The following DHX30 variants were observed in gnomAD, a reference collection of about 807,000 sequenced individuals.
DHX30 encodes the protein ATP-dependent RNA helicase DHX30.
A neutral mutation model predicts 116.9 loss-of-function variants in DHX30; 4 were observed. The ratio of observed to expected loss-of-function variants is 0.03; its 90% CI spans 0.02 to 0.08. DHX30 has a LOEUF of 0.08. Ranked by LOEUF, DHX30 falls within the 10% of genes least tolerant of loss-of-function variation. DHX30 has a pLI of 1.00. For missense variants in DHX30, 871 were observed against 1,595.1 expected, an observed-to-expected ratio of 0.55 and a Z score of 7.73; for synonymous variants, 697 against 651.7, an observed-to-expected ratio of 1.07 and a Z score of -1.06.
intron 4 of DHX30, chr3:47,822,077 A>G (rs767130392): frequency 5.3e-5 from 8 of 152,254 alleles, no homozygotes; most frequent in Non-Finnish European, 7.3e-5. Flanking sequence ...CTCTGTTCCA[A>G]TAAAACTTTC....
intron 6 of DHX30, chr3:47,831,259 A>C (rs1306888136): frequency 3.9e-5 from 6 of 152,134 alleles, no homozygotes; most frequent in Non-Finnish European, 7.3e-5. Flanking sequence ...TCCCACAGCA[A>C]GAGAGAAGCT....
At position 47,846,176 on chromosome 3, in the gene DHX30, G is replaced by A; in HGVS notation, c.1104G>A (p.Glu368=). The A allele has an allele frequency of 6.2e-7, 1 of 1,612,874 alleles. No individual in the cohort carries two copies. The highest frequency in any genetic ancestry group is 8.5e-7 in the Non-Finnish European group (1 of 1,179,716). ...IETFLNHYPV[E]SSWIAPELRL... is the part of the protein sequence containing the mutation. The stretch of plus-strand genomic sequence containing the variant: ...TCCCTGCCCTCCAGTACCCTGTGGA[G>A]AGTTCATGGATCGCCCCAGAACTCC... Residue 368 remains glutamate, a synonymous_variant, in exon 11 of 22, where the codon GAG becomes GAA. Transcript: ENST00000445061.
At position 47,829,038 on chromosome 3, in the gene DHX30, C is replaced by A; in HGVS notation, c.270C>A (p.His90Gln). The A allele has an allele frequency of 6.2e-7, 1 of 1,608,836 alleles. No homozygotes were observed. The highest frequency in any genetic ancestry group is 1.1e-5 in the South Asian group (1 of 90,516). The change falls in exon 6 of 22, where the codon CAC (histidine) becomes CAA (glutamine). Residue 90 changes from histidine to glutamine, a missense_variant. This residue lies in a region of DHX30 where 66 missense variants were observed against 153.9 expected (regional missense o/e 0.43). Coordinates refer to ENST00000445061, the MANE Select transcript of DHX30 (RefSeq NM_138615.3). ...CTCTTCCCCAGAAAGTCACACTGCA[C>A]ATAAAATGGCCCAAGAGCGTGGAGG... ...NGPKKKKVTLHIKWPKSVEVE... is the reference protein window; with the variant it reads ...NGPKKKKVTLQIKWPKSVEVE...
At chr3:47,840,187 CAG>C (rs938831374) in intron 6 of DHX30, among the ~76,000 whole-genome samples, 3 of 150,458 alleles carry the variant, frequency 2.0e-5, no homozygotes, top group East Asian at 2.0e-4. Context: ...TTAGTAGAGA[CAG>C]GGTTTCACCG....
chr3:47,809,762 G>GC (rs1398421984), intron 2 of DHX30, among the ~76,000 whole-genome samples: 1 of 152,140 alleles, frequency 6.6e-6, no homozygotes, highest in African/African-American at 2.4e-5. Context: ...GGAGTCAGGA[G>GC]CCGGAGTGTT....
At chr3:47,834,457 A>T (rs368086741) in intron 6 of DHX30, among the ~76,000 whole-genome samples, 4 of 151,658 alleles carry the variant, frequency 2.6e-5, no homozygotes, top group Non-Finnish European at 5.9e-5. Flanking sequence ...TTCCAGGTTT[A>T]TCCATGTTTT....
At chr3:47,826,509 G>A (rs1465906382) in intron 4 of DHX30, among the ~76,000 whole-genome samples, 2 of 149,872 alleles carry the variant, frequency 1.3e-5, no homozygotes, top group African/African-American at 2.5e-5. Flanking sequence ...GCAGTGGCGC[G>A]ATCTTGCCTC....
At chr3:47,813,162 C>T (rs1249256339) in intron 3 of DHX30, among the ~76,000 whole-genome samples, 1 of 151,804 alleles carries the variant, frequency 6.6e-6, no homozygotes, top group Non-Finnish European at 1.5e-5. Context: ...TATGGTGAAA[C>T]CCCGTCTCTA....
At position 47,808,945 on chromosome 3, in the gene DHX30, A is replaced by G. The variant is rs143360664; in HGVS notation, c.-27-1712A>G. Among the ~76,000 whole-genome samples the G allele has an allele frequency of 6.0e-3, 861 of 144,462 alleles. 10 individuals are homozygous for G. The highest frequency in any genetic ancestry group is 0.021 in the African/African-American group (806 of 38,814). 94.8% of individuals were successfully genotyped at this position (144,462 alleles called of 152,430 possible). On this transcript the variant is annotated intron_variant, in intron 2 of 21. Coordinates refer to ENST00000445061, the MANE Select transcript of DHX30 (RefSeq NM_138615.3). ...CTCTTGTTGCCCAGGCTGGAGTGCA[A>G]TGGTGCGATCTCGGCTCACTGCAAC...
At chr3:47,816,539 G>A (rs1321142955) in intron 3 of DHX30, 9 of 936,892 alleles carry the variant, frequency 9.6e-6, no homozygotes, top group Non-Finnish European at 1.1e-5. Flanking sequence ...TGTATTTTTA[G>A]TAGAGACGGG....
At position 47,850,039 on chromosome 3, in the gene DHX30, C is replaced by G; in HGVS notation, c.3504C>G (p.His1168Gln). Residue 1168 changes from histidine (H) to glutamine (Q), a missense_variant, in exon 22 of 22, where the codon CAC (histidine) becomes CAG (glutamine). Physicochemically the swap from His to Gln is conservative, Grantham distance 24 (BLOSUM62 0). This residue lies in a region of DHX30 where 52 missense variants were observed against 50.1 expected (regional missense o/e 1.04). Transcript: ENST00000445061. ...AALPPSVQEE[H>Q]GQLLALLAEL... ...TTCCCCCCAGCGTACAGGAGGAGCACGGGCAGCTGCTTGCGCTACTGGCAG... is the reference window on the plus strand; with the variant it reads ...TTCCCCCCAGCGTACAGGAGGAGCAGGGGCAGCTGCTTGCGCTACTGGCAG... 6.2e-7 allele frequency: 1 copy of G among 1,605,116 alleles called. No individual in the cohort carries two copies. The highest frequency in any genetic ancestry group is 8.5e-7 in the Non-Finnish European group (1 of 1,177,062).
chr3:47,830,545 C>T (rs1014595041), intron 6 of DHX30, among the ~76,000 whole-genome samples: 1 of 152,106 alleles, frequency 6.6e-6, no homozygotes. Flanking sequence ...AAACAGTCCT[C>T]CTGCCTCCAC....
chr3:47,840,808 G>C (rs2037337974), intron 6 of DHX30, 69 bp from the exon 7 acceptor site: 7 of 1,593,676 alleles, frequency 4.4e-6, no homozygotes, highest in Non-Finnish European at 6.0e-6. Flanking sequence ...CGGTGTAGCT[G>C]GACACGGACC....
intron 6 of DHX30, among the ~76,000 whole-genome samples, chr3:47,838,716 CTT>C (rs952280171): frequency 2.0e-5 from 3 of 152,298 alleles, no homozygotes; most frequent in Non-Finnish European, 4.4e-5. Context: ...GTCCCGCAGA[CTT>C]TGTCGCCTTT....
chr3:47,835,990 G>A (rs1302104628), intron 6 of DHX30, among the ~76,000 whole-genome samples: 1 of 152,196 alleles, frequency 6.6e-6, no homozygotes, highest in Non-Finnish European at 1.5e-5. Flanking sequence ...CTTCTTCCCA[G>A]CTTACAGTAC....
Position 47,841,692 on chromosome 3 carries a change from T to C in DHX30, c.744T>C (p.Leu248=). 6.2e-7 allele frequency: 1 copy of C among 1,614,252 alleles called. No individual in the cohort carries two copies. Among genetic ancestry groups the C allele is most frequent in the Non-Finnish European group, 8.5e-7 (1 of 1,180,048 alleles). The change falls in exon 8 of 22, where the codon CTT becomes CTC. Residue 248 remains leucine, a synonymous_variant. Transcript: ENST00000445061. Reference sequence around the variant, plus strand: ...CCCAGTTTCCACTTCCCAAGAACCTTCTGGCCAAGGTGATTCAGATTGCAA... The same window carrying C: ...CCCAGTTTCCACTTCCCAAGAACCTCCTGGCCAAGGTGATTCAGATTGCAA... ...ALTQFPLPKN[L]LAKVIQIATS...
At chr3:47,821,807 C>G (rs1004040975) in intron 4 of DHX30, among the ~76,000 whole-genome samples, 4 of 151,928 alleles carry the variant, frequency 2.6e-5, no homozygotes, top group African/African-American at 9.7e-5. Context: ...CCACACTGGC[C>G]AGGCTGGCCT....
chr3:47,816,461 C>A, intron 3 of DHX30: 1 of 972,292 alleles, frequency 1.0e-6, no homozygotes, highest in Non-Finnish European at 1.2e-6. Context: ...GGGTTCAAGT[C>A]ATTCTCGTGC....
intron 2 of DHX30, among the ~76,000 whole-genome samples, chr3:47,809,677 A>G (rs1423055288): frequency 6.6e-6 from 1 of 152,104 alleles, no homozygotes; most frequent in African/African-American, 2.4e-5. Context: ...CAGACCTGCT[A>G]TGGACCTGAA....
Sources: gnomAD v4.1 joint callset for allele counts (sites outside exome capture counted in the v4.1 genomes callset) on GRCh38, gnomAD v4.1.1 for gene constraint, gnomAD v4.1.1 regional missense constraint, MANE v1.5 for transcripts, NCBI Gene and HGNC (gene_info 2026-07-23, HGNC 2026-07-21) for gene names.